Variants in TCFL5 observed in about 807,000 individuals in gnomAD.
TCFL5 encodes transcription factor like 5.
In TCFL5, 9 loss-of-function variants were observed where a neutral mutation model predicts 44.3. The ratio of observed to expected loss-of-function variants is 0.20; its 90% CI spans 0.12 to 0.35. The LOEUF is 0.35. TCFL5 is among the 10% of genes least tolerant of loss of function. The pLI is 1.00. For missense variants in TCFL5, 603 were observed against 613.4 expected, an observed-to-expected ratio of 0.98 and a Z score of 0.18; for synonymous variants, 319 against 271.6, an observed-to-expected ratio of 1.17 and a Z score of -1.72.
chr20:62,846,851 TCTAA>T (rs1391658716), intron 5 of TCFL5, among the ~76,000 whole-genome samples: 8 of 151,316 alleles, frequency 5.3e-5, no homozygotes, highest in East Asian at 1.9e-4. Flanking sequence ...AAGAAATAGC[TCTAA>T]CTATGAGTCA....
chr20:62,852,717 A>G lies in TCFL5; in HGVS notation c.1380+1299T>C, dbSNP rs951128942. 1.3e-5 allele frequency: 13 copies of G among 985,068 alleles called. No homozygotes were observed. The African/African-American group carries it at 2.3e-4, about 17-fold the overall frequency. 61.0% of individuals were successfully genotyped at this position (985,068 alleles called of 1,614,324 possible). On this transcript the variant is annotated intron_variant, in intron 5 of 5. Transcript: ENST00000335351. ...ACAGTCACCCGGTCCACAGAAGTAT[A>G]TTCACCTGGTTGACAGAAGCATAGT...
chr20:62,859,689 C>T (rs2063955919), intron 2 of TCFL5, among the ~76,000 whole-genome samples, 163 bp from the exon 3 acceptor site: 1 of 151,860 alleles, frequency 6.6e-6, no homozygotes, highest in Non-Finnish European at 1.5e-5. Flanking sequence ...CACATAAACA[C>T]TCAACTTTCA....
At chr20:62,849,917 T>C (rs1340161315) in intron 5 of TCFL5, among the ~76,000 whole-genome samples, 2 of 152,040 alleles carry the variant, frequency 1.3e-5, no homozygotes, top group African/African-American at 2.4e-5. Flanking sequence ...ATCATGTTAC[T>C]GCACTCCAGC....
chr20:62,842,782 A>G lies in TCFL5; in HGVS notation c.1381-685T>C, dbSNP rs1011059760. Among the ~76,000 whole-genome samples, 2 of 152,210 alleles carry G rather than the reference A, an allele frequency of 1.3e-5. No homozygotes were observed. The highest frequency in any genetic ancestry group is 1.9e-4 in the East Asian group (1 of 5,200). On this transcript the variant is annotated intron_variant, in intron 5 of 5. Coordinates refer to ENST00000335351, the MANE Select transcript of TCFL5 (RefSeq NM_006602.4). This position sits in a 1 kb window ranked among gnomAD's most constrained non-coding sequence, Gnocchi z 4.3. ...CCGTCTCAAAAAAATAAATTTTTAA[A>G]AAGTTTCAACAATTAACAAGTCAGG... is the stretch of plus-strand genomic sequence containing the variant.
At chr20:62,857,240 G>A (rs116405962) in intron 4 of TCFL5, among the ~76,000 whole-genome samples, 155 bp downstream of exon 4, 305 of 152,262 alleles carry the variant, frequency 2.0e-3, no homozygotes, top group African/African-American at 7.1e-3. Context: ...GCATAGTCTG[G>A]GGGATCCTTG....
At chr20:62,860,381 G>A (rs747475606) in intron 1 of TCFL5, 73 bp from the exon 2 acceptor site, 8 of 1,418,552 alleles carry the variant, frequency 5.6e-6, no homozygotes, top group Non-Finnish European at 7.7e-6. Context: ...CCACTCCCAT[G>A]GCTCTGGCTA....
At chr20:62,858,506 C>T (rs571823325) in intron 3 of TCFL5, among the ~76,000 whole-genome samples, 1 of 152,230 alleles carries the variant, frequency 6.6e-6, no homozygotes, top group Non-Finnish European at 1.5e-5. Context: ...AAAGGAAGGA[C>T]TGACATGGGA....
chr20:62,857,819 A>C (rs1222172716), intron 3 of TCFL5, among the ~76,000 whole-genome samples, 181 bp from the exon 4 acceptor site: 1 of 152,226 alleles, frequency 6.6e-6, no homozygotes, highest in African/African-American at 2.4e-5. Context: ...CATGAAGCCC[A>C]AGCCTATTTT....
intron 4 of TCFL5, among the ~76,000 whole-genome samples, chr20:62,855,415 G>T (rs904372506): frequency 1.3e-5 from 2 of 152,114 alleles, no homozygotes; most frequent in Admixed American, 6.6e-5. Flanking sequence ...CTCCCACCTC[G>T]GCCCACAGTC....
intron 5 of TCFL5, among the ~76,000 whole-genome samples, chr20:62,847,826 A>G (rs534190184): frequency 2.0e-3 from 312 of 152,342 alleles, no homozygotes; most frequent in African/African-American, 7.1e-3. Flanking sequence ...CCTGGCCAAT[A>G]TGGCAAAACT....
chr20:62,859,711 TTG>T (rs2063957309), intron 2 of TCFL5, among the ~76,000 whole-genome samples, 185 bp from the exon 3 acceptor site: 3 of 146,452 alleles, frequency 2.0e-5, no homozygotes, highest in Admixed American at 1.3e-4. Context: ...AGGTATTTTT[TTG>T]TTTTTGTTTT....
intron 5 of TCFL5, among the ~76,000 whole-genome samples, chr20:62,853,098 C>T (rs1343517026): frequency 6.1e-5 from 9 of 147,288 alleles, no homozygotes; most frequent in African/African-American, 2.4e-4. Context: ...CACCGGTCCA[C>T]AGAAGCATAG....
chr20:62,845,773 A>T (rs1568775806), intron 5 of TCFL5: 2 of 1,605,962 alleles, frequency 1.2e-6, no homozygotes, highest in Non-Finnish European at 1.7e-6. Flanking sequence ...ATCACCAAGG[A>T]AGAGCTGGAG....
intron 5 of TCFL5, chr20:62,852,083 G>A (rs2063817564): frequency 1.0e-6 from 1 of 985,286 alleles, no homozygotes; most frequent in African/African-American, 1.7e-5. Flanking sequence ...GGGATCACAG[G>A]CATGAGTCAC....
intron 5 of TCFL5, among the ~76,000 whole-genome samples, chr20:62,848,338 G>A (rs16983297): frequency 0.014 from 2,146 of 152,330 alleles, 11 homozygotes; most frequent in Non-Finnish European, 0.022. Context: ...ACGCCATCCC[G>A]ACTGGGGAAA....
At chr20:62,857,749 G>A (rs4809262) in intron 3 of TCFL5, 111 bp from the exon 4 acceptor site, 2 of 1,324,790 alleles carry the variant, frequency 1.5e-6, no homozygotes, top group African/African-American at 1.5e-5. Context: ...TGGGTAAGCA[G>A]CACAGAGAAC....
rs746067599 is a variant in TCFL5, at chr20:62,859,447, T to C, written c.911A>G (p.Tyr304Cys). ...TTTAGTGGATTCAATTTCTTGCTGATAACAGAAAGAAAATGCTCTAGGCAA... is the reference window on the plus strand; with the variant it reads ...TTTAGTGGATTCAATTTCTTGCTGACAACAGAAAGAAAATGCTCTAGGCAA... ...IGLPRAFSFC[Y>C]QQEIESTKQT... is the part of the protein sequence containing the mutation. Residue 304 changes from tyrosine (Y) to cysteine (C), a missense_variant, in exon 3 of 6, where the codon TAT becomes TGT. Tyr to Cys is a radical substitution (Grantham distance 194). Coordinates refer to ENST00000335351, the MANE Select transcript of TCFL5 (RefSeq NM_006602.4). 6.2e-6 allele frequency: 10 copies of C among 1,614,026 alleles called. No individual in the cohort carries two copies. Among genetic ancestry groups the C allele is most frequent in the South Asian group, 4.4e-5 (4 of 91,088 alleles).
At position 62,844,572 on chromosome 20, in the gene TCFL5, TTTGTTTTTTG is replaced by T. The variant is rs1324898242; in HGVS notation, c.1381-2485_1381-2476del. On this transcript the variant is annotated intron_variant, in intron 5 of 5. Coordinates refer to ENST00000335351, the MANE Select transcript of TCFL5 (RefSeq NM_006602.4). ...AACATTTTTTTTCTGTTTTTTTTTGTTTGTTTTTTGTTTTTTTTTTTTTGAGACCGAGTCT... is the reference window on the plus strand; with the variant it reads ...AACATTTTTTTTCTGTTTTTTTTTGTTTTTTTTTTTTTTGAGACCGAGTCT... 1.0e-4 allele frequency among the ~76,000 whole-genome samples: 14 copies of T among 134,004 alleles called. 1 individual carries two copies. The highest frequency in any genetic ancestry group is 1.8e-4 in the African/African-American group (5 of 27,076). The allele number at this position is 134,004 out of a possible 152,430, so 87.9% of individuals were successfully genotyped here. A position where few individuals can be genotyped will look rare whatever the true frequency, so the allele number is the denominator to read the frequency against.
Position 62,841,150 on chromosome 20 carries a change from C to G in TCFL5, c.*825G>C, listed in dbSNP as rs373672177. The G allele has an allele frequency of 4.8e-6, 1 of 209,746 alleles. No individual in the cohort carries two copies. The highest frequency in any genetic ancestry group is 2.4e-5 in the African/African-American group (1 of 42,306). 13.0% of individuals were successfully genotyped at this position (209,746 alleles called of 1,614,324 possible). A position where few individuals can be genotyped will look rare whatever the true frequency, so the allele number is the denominator to read the frequency against. On this transcript the variant is annotated 3_prime_UTR_variant, in exon 6 of 6. Coordinates refer to ENST00000335351, the MANE Select transcript of TCFL5 (RefSeq NM_006602.4). ...TAAAGAATTTAATGTACAGTAAATT[C>G]TCTCCCATACAAAGGTCTAGTCTGA... is the stretch of plus-strand genomic sequence containing the variant.
Sources: gnomAD v4.1 joint callset for allele counts (sites outside exome capture counted in the v4.1 genomes callset) on GRCh38, gnomAD v4.1.1 for gene constraint, Gnocchi (gnomAD v3.1) non-coding constraint, MANE v1.5 for transcripts, NCBI Gene and HGNC (gene_info 2026-07-23, HGNC 2026-07-21) for gene names.